Variants in ZNF138 observed in about 807,000 individuals in gnomAD.
ZNF138 encodes the protein zinc finger protein 138 (clone pHZ-32).
ZNF138 carries 33 observed loss-of-function variants against 33.0 expected under a neutral mutation model. That is an observed-to-expected ratio of 1.00 (90% CI 0.76 to 1.34). The LOEUF is 1.34. ZNF138 is among the 40% of genes most tolerant of loss of function. The pLI, the probability that ZNF138 is intolerant of heterozygous loss-of-function variation, is 0.00. For synonymous variants in ZNF138, 139 were observed against 120.4 expected, an observed-to-expected ratio of 1.15 and a Z score of -1.01; for missense variants, 360 against 370.8, an observed-to-expected ratio of 0.97 and a Z score of 0.24.
chr7:64,807,753 T>C (rs1451851143), intron 1 of ZNF138, among the ~76,000 whole-genome samples: 1 of 152,222 alleles, frequency 6.6e-6, no homozygotes. Context: ...TGTGGCTCTT[T>C]GAGCTTTTCA....
chr7:64,837,975 C>T (rs1301400789), downstream of ZNF138, among the ~76,000 whole-genome samples: 3 of 151,984 alleles, frequency 2.0e-5, no homozygotes, highest in Non-Finnish European at 2.9e-5. Flanking sequence ...AGGCGTCTGG[C>T]GGTAGGTGGA....
At chr7:64,834,367 A>C (rs1300808233), downstream of ZNF138, among the ~76,000 whole-genome samples, 1 of 152,260 alleles carries the variant, frequency 6.6e-6, no homozygotes, top group East Asian at 1.9e-4. Flanking sequence ...AGGCACTGAC[A>C]CTTCAAACAT....
chr7:64,839,930 G>A, the ZNF138 span, among the ~76,000 whole-genome samples: 9 of 152,148 alleles, frequency 5.9e-5, no homozygotes, highest in African/African-American at 2.2e-4. Context: ...GGGAGGGCCA[G>A]GGAAGTCGCA....
At chr7:64,852,743 T>C in the ZNF138 span, 1 of 963,240 alleles carries the variant, frequency 1.0e-6, no homozygotes, top group Non-Finnish European at 1.7e-6. Flanking sequence ...CACTGCCCCC[T>C]GTGTCCCCAG....
At chr7:64,839,787 T>C in the ZNF138 span, among the ~76,000 whole-genome samples, 1 of 151,728 alleles carries the variant, frequency 6.6e-6, no homozygotes, top group Admixed American at 6.6e-5. Context: ...GCTTAGGAGG[T>C]GTCCCCTCCC....
intron 1 of ZNF138, chr7:64,813,981 G>A (rs942783645): frequency 2.8e-6 from 3 of 1,090,514 alleles, no homozygotes; most frequent in Admixed American, 4.9e-5. Context: ...CATTTAATCT[G>A]GCAGCTGCCT....
In ZNF138 at chr7:64,831,973, T is replaced by C. The variant is rs1210490162; in HGVS notation, c.731T>C (p.Ile244Thr). 1 of 1,613,462 alleles carries C rather than the reference T, an allele frequency of 6.2e-7. No individual in the cohort carries two copies. The highest frequency in any genetic ancestry group is 8.5e-7 in the Non-Finnish European group (1 of 1,179,756). ...TCAATCCTTACTAAACATAAGATAATTCGTACTGGAGAAAAACCCTATAAA... is the reference window on the plus strand; with the variant it reads ...TCAATCCTTACTAAACATAAGATAACTCGTACTGGAGAAAAACCCTATAAA... ...QSSILTKHKI[I>T]RTGEKPYKCA... The change falls in exon 4 of 4, where the codon ATT (isoleucine) becomes ACT (threonine). Residue 244 changes from isoleucine (I) to threonine (T), a missense_variant. Physicochemically the swap from Ile to Thr is moderately conservative, Grantham distance 89. Transcript: ENST00000307355.
Position 64,819,664 on chromosome 7 carries a change from C to T in ZNF138, c.208+4011C>T, listed in dbSNP as rs1053713462. 1.4e-4 allele frequency among the ~76,000 whole-genome samples: 22 copies of T among 152,084 alleles called. No homozygotes were observed. In the South Asian group the frequency reaches 1.7e-3, roughly 11 times the overall value. On this transcript the variant is annotated intron_variant, in intron 3 of 3. Transcript: ENST00000307355. ...GATTACAAGCGGCAGCCACCACATC[C>T]GGCCTGAGGGTAATTTTTGAAAAGA...
At chr7:64,824,181 A>T (rs1211653031) in intron 3 of ZNF138, among the ~76,000 whole-genome samples, 1 of 152,138 alleles carries the variant, frequency 6.6e-6, no homozygotes, top group Non-Finnish European at 1.5e-5. Flanking sequence ...CAAATTTTTC[A>T]TGAATGGCGT....
At chr7:64,837,224 A>G (rs1484038833), downstream of ZNF138, among the ~76,000 whole-genome samples, 2 of 152,058 alleles carry the variant, frequency 1.3e-5, no homozygotes, top group Non-Finnish European at 2.9e-5. Context: ...GAAATATGGT[A>G]CCAGGAGGGA....
At chr7:64,838,054 C>T (rs971385292), downstream of ZNF138, among the ~76,000 whole-genome samples, 3 of 152,174 alleles carry the variant, frequency 2.0e-5, no homozygotes, top group South Asian at 2.1e-4. Context: ...GATGGCAAAA[C>T]AGAGTAGGTA....
intron 3 of ZNF138, among the ~76,000 whole-genome samples, chr7:64,817,024 G>T (rs1368653121): frequency 6.6e-6 from 1 of 152,148 alleles, no homozygotes; most frequent in Non-Finnish European, 1.5e-5. Flanking sequence ...GCAGCCACTA[G>T]GGCAGGTTTT....
At chr7:64,802,780 G>C (rs115230911) in intron 1 of ZNF138, among the ~76,000 whole-genome samples, 2 of 152,024 alleles carry the variant, frequency 1.3e-5, no homozygotes, top group South Asian at 2.1e-4. Flanking sequence ...CTAGTGAGCC[G>C]CAAGATCTTT....
In ZNF138 at chr7:64,796,640, G is replaced by C. The variant is rs549105721; in HGVS notation, c.3+2069G>C. ...TGAGTTTAGGAATTTTCTCAGGTCT[G>C]TTTTTTTATGGCTGGGTGATGTCCA... On this transcript the variant is annotated intron_variant, in intron 1 of 3. Coordinates refer to ENST00000307355, the MANE Select transcript of ZNF138 (RefSeq NM_001271639.2). 7.1e-4 allele frequency among the ~76,000 whole-genome samples: 108 copies of C among 152,286 alleles called. 1 individual carries two copies. The highest frequency in any genetic ancestry group is 2.4e-3 in the African/African-American group (98 of 41,564).
At chr7:64,795,070 G>T (rs2128979907) in intron 1 of ZNF138, among the ~76,000 whole-genome samples, 1 of 152,282 alleles carries the variant, frequency 6.6e-6, no homozygotes, top group South Asian at 2.1e-4. Context: ...GGAAACACTT[G>T]TATAAGGTGT....
the ZNF138 span, chr7:64,852,425 T>C: frequency 2.6e-6 from 4 of 1,563,980 alleles, no homozygotes; most frequent in Admixed American, 5.6e-5. Flanking sequence ...GGGATTCACA[T>C]TTTGAGTGGC....
intron 1 of ZNF138, among the ~76,000 whole-genome samples, chr7:64,812,823 A>G (rs118152204): frequency 3.1e-4 from 46 of 146,172 alleles, no homozygotes; most frequent in Non-Finnish European, 5.5e-4. Context: ...AATACCAGAG[A>G]AGAAGGAGAA....
chr7:64,823,976 A>G (rs958646892), intron 3 of ZNF138, among the ~76,000 whole-genome samples: 5 of 152,202 alleles, frequency 3.3e-5, no homozygotes, highest in African/African-American at 4.8e-5. Context: ...GCTTGGTATG[A>G]TTTATAACAG....
chr7:64,806,305 G>C (rs1412129542), intron 1 of ZNF138, among the ~76,000 whole-genome samples: 1 of 152,144 alleles, frequency 6.6e-6, no homozygotes, highest in Admixed American at 6.5e-5. Flanking sequence ...GGCTAGACCT[G>C]ATTTCTAAAT....
Sources: allele counts gnomAD v4.1 joint callset (sites outside exome capture counted in the v4.1 genomes callset), GRCh38; gene constraint gnomAD v4.1.1; transcripts MANE v1.5; gene names NCBI Gene and HGNC (gene_info 2026-07-23, HGNC 2026-07-21).